The following MYT1L variants were observed in gnomAD, a reference collection of about 807,000 sequenced individuals.
MYT1L encodes myelin transcription factor 1-like protein.
In MYT1L, 12 loss-of-function variants were observed where a neutral mutation model predicts 126.7. That is an observed-to-expected ratio of 0.09 (90% CI 0.06 to 0.15). MYT1L has a LOEUF of 0.15. MYT1L is among the 10% of genes least tolerant of loss of function. The pLI is 1.00. For missense variants in MYT1L, 979 were observed against 1,585.2 expected (o/e 0.62, Z 6.49); for synonymous variants, 541 against 604.2 (o/e 0.90, Z 1.53).
At chr2:2,077,786 C>T (rs1348413829) in intron 3 of MYT1L, among the ~76,000 whole-genome samples, 1 of 152,144 alleles carries the variant, frequency 6.6e-6, no homozygotes, top group Non-Finnish European at 1.5e-5. Context: ...GAATTTATTG[C>T]TAGAAGACGT....
At chr2:2,267,756 A>G (rs1023326207) in intron 2 of MYT1L, among the ~76,000 whole-genome samples, 3 of 152,164 alleles carry the variant, frequency 2.0e-5, no homozygotes, top group Non-Finnish European at 4.4e-5. Context: ...AATATCCTGC[A>G]AGGAGGTGCC....
intron 2 of MYT1L, among the ~76,000 whole-genome samples, chr2:2,178,289 C>A (rs1288026800): frequency 6.6e-6 from 1 of 152,044 alleles, no homozygotes; most frequent in Non-Finnish European, 1.5e-5. Context: ...ACTTGCACTC[C>A]CCAGACCCCC....
rs187571199 is a variant in MYT1L at position 2,268,028 on chromosome 2, C to T, written c.-421+16376G>A. ...ATCAGTATTAATAAAAGATGAGATT[C>T]GGGGGGATAGCAGATGGGAATTCCA... On this transcript the variant is annotated intron_variant, in intron 2 of 24. Transcript: ENST00000647738. 3.0e-3 allele frequency among the ~76,000 whole-genome samples: 455 copies of T among 152,150 alleles called. 6 individuals carry two copies. The highest frequency in any genetic ancestry group is 8.0e-3 in the Admixed American group (122 of 15,296).
chr2:2,025,076 T>C (rs1289671892), intron 4 of MYT1L, among the ~76,000 whole-genome samples: 1 of 152,212 alleles, frequency 6.6e-6, no homozygotes, highest in Non-Finnish European at 1.5e-5. Context: ...ACTGTGGACA[T>C]GTTCTGTGTT....
intron 2 of MYT1L, among the ~76,000 whole-genome samples, chr2:2,261,816 G>T (rs1470118335): frequency 6.6e-6 from 1 of 152,162 alleles, no homozygotes; most frequent in Non-Finnish European, 1.5e-5. Flanking sequence ...GTGATTATTA[G>T]AACAGTTTCT....
At chr2:2,048,943 C>G (rs2150068478) in intron 4 of MYT1L, among the ~76,000 whole-genome samples, 1 of 152,284 alleles carries the variant, frequency 6.6e-6, no homozygotes, top group East Asian at 1.9e-4. Context: ...CAAATTTCTA[C>G]TATTTCTTAA....
At chr2:2,237,888 C>T (rs1026807306) in intron 2 of MYT1L, among the ~76,000 whole-genome samples, 3 of 152,170 alleles carry the variant, frequency 2.0e-5, no homozygotes, top group Non-Finnish European at 4.4e-5. Context: ...ACAGCGGTCA[C>T]CTGCAACTCC....
At chr2:2,086,912 T>C (rs1282826703) in intron 3 of MYT1L, among the ~76,000 whole-genome samples, 1 of 152,206 alleles carries the variant, frequency 6.6e-6, no homozygotes, top group East Asian at 1.9e-4. Context: ...AGATGCCCCC[T>C]GCCAACCTCA....
At chr2:2,028,829 G>A (rs569440014) in intron 4 of MYT1L, among the ~76,000 whole-genome samples, 18 of 152,116 alleles carry the variant, frequency 1.2e-4, no homozygotes, top group African/African-American at 4.1e-4. Flanking sequence ...AATGGGAGAC[G>A]CAAAGGAAAA....
At chr2:1,843,372 G>T (rs2042075055) in intron 19 of MYT1L, among the ~76,000 whole-genome samples, 1 of 152,216 alleles carries the variant, frequency 6.6e-6, no homozygotes, top group Non-Finnish European at 1.5e-5. Flanking sequence ...CATGAATGAA[G>T]AAAAGAGGAA....
At chr2:1,856,012 A>G (rs2043867649) in intron 18 of MYT1L, among the ~76,000 whole-genome samples, 1 of 152,244 alleles carries the variant, frequency 6.6e-6, no homozygotes, top group Non-Finnish European at 1.5e-5. Flanking sequence ...AAAAATCATA[A>G]TAAAATATTT....
At chr2:2,145,656 C>CAT (rs2084766633) in intron 3 of MYT1L, among the ~76,000 whole-genome samples, 1 of 151,906 alleles carries the variant, frequency 6.6e-6, no homozygotes, top group African/African-American at 2.4e-5. Flanking sequence ...CACACACACA[C>CAT]ACACACACAC....
chr2:1,875,635 G>T (rs1388784812), intron 18 of MYT1L, among the ~76,000 whole-genome samples: 1 of 152,216 alleles, frequency 6.6e-6, no homozygotes, highest in African/African-American at 2.4e-5. Flanking sequence ...CAAGCACTGG[G>T]CCAGGAGGCA....
chr2:2,239,024 G>A (rs1316741635), intron 2 of MYT1L, among the ~76,000 whole-genome samples: 1 of 152,216 alleles, frequency 6.6e-6, no homozygotes, highest in Non-Finnish European at 1.5e-5. Context: ...CCAGCCTACT[G>A]GCCACACTGA....
chr2:2,048,177 C>A (rs1449128446), intron 4 of MYT1L, among the ~76,000 whole-genome samples: 1 of 152,022 alleles, frequency 6.6e-6, no homozygotes, highest in African/African-American at 2.4e-5. Flanking sequence ...CCATTAGTAC[C>A]AGTAATCTGA....
intron 23 of MYT1L, among the ~76,000 whole-genome samples, chr2:1,798,006 C>T (rs78849059): frequency 2.1e-5 from 1 of 47,958 alleles, no homozygotes; most frequent in Non-Finnish European, 4.1e-5. Context: ...GGCACAGGCG[C>T]GGCGGTCTCC....
chr2:2,000,729 A>G (rs1373107957), intron 4 of MYT1L, among the ~76,000 whole-genome samples: 2 of 152,228 alleles, frequency 1.3e-5, no homozygotes, highest in Admixed American at 6.6e-5. Context: ...ACAGAGCCCC[A>G]GGCATTTTTT....
intron 4 of MYT1L, among the ~76,000 whole-genome samples, chr2:2,006,134 G>A (rs189082814): frequency 7.1e-4 from 108 of 151,948 alleles, no homozygotes; most frequent in South Asian, 2.1e-4. Context: ...TTTCCTGCAC[G>A]TGTTCTTTCA....
At chr2:2,328,885 C>G (rs992050136) in intron 1 of MYT1L, among the ~76,000 whole-genome samples, 3 of 152,164 alleles carry the variant, frequency 2.0e-5, no homozygotes, top group African/African-American at 7.2e-5. Flanking sequence ...GTATAGATAT[C>G]TTTGCTGCCA....
Sources: gnomAD v4.1 joint callset for allele counts (sites outside exome capture counted in the v4.1 genomes callset) on GRCh38, gnomAD v4.1.1 for gene constraint, MANE v1.5 for transcripts, NCBI Gene and HGNC (gene_info 2026-07-23, HGNC 2026-07-21) for gene names.